Variants in KCNAB1 observed in about 807,000 individuals in gnomAD.
KCNAB1 encodes the protein potassium voltage-gated channel subfamily A regulatory beta subunit 1.
A neutral mutation model predicts 64.6 loss-of-function variants in KCNAB1; 35 were observed. The observed-to-expected ratio is 0.54, with a 90% CI of 0.41 to 0.72. KCNAB1 has a LOEUF of 0.72. KCNAB1 is among the 30% of genes least tolerant of loss of function. KCNAB1 has a pLI of 0.00. For missense variants in KCNAB1, 401 were observed against 512.9 expected, an observed-to-expected ratio of 0.78 and a Z score of 2.11; for synonymous variants, 177 against 183.8, an observed-to-expected ratio of 0.96 and a Z score of 0.30.
intron 1 of KCNAB1, among the ~76,000 whole-genome samples, chr3:156,182,641 G>T (rs1712905304): frequency 6.8e-6 from 1 of 147,716 alleles, no homozygotes; most frequent in African/African-American, 2.5e-5. Context: ...CCCCCCCCGG[G>T]TCTTATCTTT....
At chr3:156,171,048 G>A (rs984099173) in intron 1 of KCNAB1, among the ~76,000 whole-genome samples, 2 of 151,936 alleles carry the variant, frequency 1.3e-5, no homozygotes, top group Admixed American at 6.6e-5. Flanking sequence ...GCTTTTTGGC[G>A]GTGAGTGGGC....
intron 1 of KCNAB1, among the ~76,000 whole-genome samples, chr3:156,404,031 G>T (rs1279931935): frequency 1.3e-5 from 2 of 152,112 alleles, no homozygotes; most frequent in African/African-American, 4.8e-5. Flanking sequence ...CTTACTTCTA[G>T]ATTTAGGATT....
intron 1 of KCNAB1, among the ~76,000 whole-genome samples, chr3:156,165,839 T>C (rs529290071): frequency 6.6e-6 from 1 of 152,358 alleles, no homozygotes; most frequent in African/African-American, 2.4e-5. Context: ...AATTATTAAT[T>C]CTCACCATTT....
chr3:156,328,722 T>G (rs1217376640), intron 1 of KCNAB1, among the ~76,000 whole-genome samples: 1 of 152,190 alleles, frequency 6.6e-6, no homozygotes, highest in African/African-American at 2.4e-5. Flanking sequence ...AATAGAGTTG[T>G]TGAACAGAGT....
rs1717833841 is a variant in KCNAB1 at position 156,251,627 on chromosome 3, T to C, written c.275+130741T>C. ...TGGGCTTGGGAGGAGGGGTATCCTTTTTCTTGAATGGGCGGGCTCAAGGGA... is the reference window on the plus strand; with the variant it reads ...TGGGCTTGGGAGGAGGGGTATCCTTCTTCTTGAATGGGCGGGCTCAAGGGA... On this transcript the variant is annotated intron_variant, in intron 1 of 13. Coordinates refer to ENST00000490337, the MANE Select transcript of KCNAB1 (RefSeq NM_172160.3). Among the ~76,000 whole-genome samples the C allele has an allele frequency of 4.6e-5, 7 of 152,152 alleles. No individual in the cohort carries two copies. In the South Asian group the frequency reaches 1.5e-3, roughly 32 times the overall value.
intron 2 of KCNAB1, among the ~76,000 whole-genome samples, chr3:156,433,690 A>C (rs976593648): frequency 2.0e-5 from 3 of 152,218 alleles, no homozygotes; most frequent in African/African-American, 7.2e-5. Context: ...CTGATGTTGA[A>C]GGATGAATAG....
At chr3:156,181,921 G>A (rs1255823383) in intron 1 of KCNAB1, among the ~76,000 whole-genome samples, 1 of 152,108 alleles carries the variant, frequency 6.6e-6, no homozygotes, top group African/African-American at 2.4e-5. Flanking sequence ...GAGTGACATT[G>A]GAGTATATAA....
chr3:156,338,314 T>TTTTTTTTTTTTTTTG lies in KCNAB1; in HGVS notation c.276-83288_276-83287insGTTTTTTTTTTTTTT, dbSNP rs1723868946. Among the ~76,000 whole-genome samples, 2 of 130,310 alleles carry TTTTTTTTTTTTTTTG rather than the reference T, an allele frequency of 1.5e-5. 1 individual carries two copies. Among genetic ancestry groups the TTTTTTTTTTTTTTTG allele is most frequent in the Admixed American group, 1.6e-4 (2 of 12,514 alleles). The allele number at this position is 130,310 out of a possible 152,430, so 85.5% of individuals were successfully genotyped here. The stretch of plus-strand genomic sequence containing the variant: ...CTTTGGCATTTGCACTTTTTTTTTT[T>TTTTTTTTTTTTTTTG]TTTTTTTTTTTTTTTTACAGAGTTT... On this transcript the variant is annotated intron_variant, in intron 1 of 13. Coordinates refer to ENST00000490337, the MANE Select transcript of KCNAB1 (RefSeq NM_172160.3).
intron 1 of KCNAB1, among the ~76,000 whole-genome samples, chr3:156,251,455 C>T (rs192431927): frequency 1.5e-4 from 23 of 152,214 alleles, no homozygotes; most frequent in Admixed American, 1.4e-3. Flanking sequence ...ATGACAAGTG[C>T]TGAGAGTACT....
chr3:156,220,930 C>A (rs1397842738), intron 1 of KCNAB1, among the ~76,000 whole-genome samples: 1 of 152,212 alleles, frequency 6.6e-6, no homozygotes, highest in Non-Finnish European at 1.5e-5. Context: ...CAGCTTTCTA[C>A]ATATGGATAG....
chr3:156,229,486 T>G (rs1716389424), intron 1 of KCNAB1, among the ~76,000 whole-genome samples: 1 of 152,248 alleles, frequency 6.6e-6, no homozygotes, highest in Non-Finnish European at 1.5e-5. Flanking sequence ...GACACAAATT[T>G]AAACCATATT....
chr3:156,472,497 C>T (rs370329667), intron 7 of KCNAB1, among the ~76,000 whole-genome samples: 13 of 152,322 alleles, frequency 8.5e-5, no homozygotes, highest in African/African-American at 2.2e-4. Context: ...CAAGACTTTA[C>T]GTGATTGAGA....
intron 1 of KCNAB1, among the ~76,000 whole-genome samples, chr3:156,284,244 C>A (rs974686999): frequency 1.3e-5 from 2 of 152,090 alleles, no homozygotes; most frequent in Admixed American, 1.3e-4. Context: ...TGTCAGTGTG[C>A]CCCTGCTGGG....
At chr3:156,376,690 G>C (rs1013043376) in intron 1 of KCNAB1, among the ~76,000 whole-genome samples, 4 of 152,208 alleles carry the variant, frequency 2.6e-5, no homozygotes, top group Admixed American at 6.5e-5. Flanking sequence ...CAATGAGCTT[G>C]GCTGGAAAGA....
chr3:156,432,714 A>G lies in KCNAB1; in HGVS notation c.319+11055A>G, dbSNP rs115836295. On this transcript the variant is annotated intron_variant, in intron 2 of 13. Coordinates refer to ENST00000490337, the MANE Select transcript of KCNAB1 (RefSeq NM_172160.3). ...TCTCTTACTTTGCCTCCCTTCCCATATCTCCACCTTATGCTTGACAATAGC... is the reference window on the plus strand; with the variant it reads ...TCTCTTACTTTGCCTCCCTTCCCATGTCTCCACCTTATGCTTGACAATAGC... Among the ~76,000 whole-genome samples, 64 of 152,116 alleles carry G rather than the reference A, an allele frequency of 4.2e-4. 2 individuals are homozygous for G. Among genetic ancestry groups the G allele is most frequent in the African/African-American group, 1.5e-3 (62 of 41,492 alleles).
intron 12 of KCNAB1, among the ~76,000 whole-genome samples, chr3:156,528,572 G>A (rs1261796418): frequency 6.6e-6 from 1 of 152,188 alleles, no homozygotes; most frequent in Non-Finnish European, 1.5e-5. Flanking sequence ...GGAATTCAGG[G>A]AAGTACTTTA....
At chr3:156,221,308 T>C (rs1008790710) in intron 1 of KCNAB1, among the ~76,000 whole-genome samples, 1 of 152,178 alleles carries the variant, frequency 6.6e-6, no homozygotes, top group Non-Finnish European at 1.5e-5. Context: ...ATAAATTACC[T>C]TAGGCAGTAT....
In KCNAB1 at chr3:156,194,948, C is replaced by A. The variant is rs115211313; in HGVS notation, c.275+74062C>A. 9.0e-3 allele frequency among the ~76,000 whole-genome samples: 1,363 copies of A among 152,110 alleles called. 34 individuals are homozygous for A. Among genetic ancestry groups the A allele is most frequent in the African/African-American group, 0.03 (1,262 of 41,466 alleles). On this transcript the variant is annotated intron_variant, in intron 1 of 13. Transcript: ENST00000490337. ...CTCTCCCTCTCCTTTCCCCCCACCCCCAACAGGCCCGGGTATGTGATGTTC... is the reference window on the plus strand; with the variant it reads ...CTCTCCCTCTCCTTTCCCCCCACCCACAACAGGCCCGGGTATGTGATGTTC...
At chr3:156,373,606 ATACT>A (rs879628749) in intron 1 of KCNAB1, among the ~76,000 whole-genome samples, 6 of 152,266 alleles carry the variant, frequency 3.9e-5, no homozygotes, top group Non-Finnish European at 8.8e-5. Context: ...GGATAACAAA[ATACT>A]TTTTTTTAAG....
Sources: allele counts gnomAD v4.1 joint callset (sites outside exome capture counted in the v4.1 genomes callset), GRCh38; gene constraint gnomAD v4.1.1; transcripts MANE v1.5; gene names NCBI Gene and HGNC (gene_info 2026-07-23, HGNC 2026-07-21).